SNTB1: variants seen among roughly 807,000 people sequenced by gnomAD.
SNTB1 encodes beta-1-syntrophin.
In SNTB1, 36 loss-of-function variants were observed where a neutral mutation model predicts 48.9. The ratio of observed to expected loss-of-function variants is 0.74; its 90% CI spans 0.56 to 0.97. SNTB1 has a LOEUF of 0.97. Among genes scored for constraint, SNTB1 ranks in the 50% least tolerant of loss-of-function variants. The pLI is 0.00. For missense variants in SNTB1, 786 were observed against 703.4 expected (o/e 1.12, Z -1.33); for synonymous variants, 299 against 294.6 (o/e 1.01, Z -0.15).
At chr8:120,706,453 G>T (rs567830949) in intron 1 of SNTB1, among the ~76,000 whole-genome samples, 12 of 152,242 alleles carry the variant, frequency 7.9e-5, no homozygotes, top group African/African-American at 2.9e-4. Context: ...CACACGAAAA[G>T]TAGTCTAAAG....
chr8:120,782,109 G>C (rs902059343), intron 1 of SNTB1, among the ~76,000 whole-genome samples: 41 of 152,150 alleles, frequency 2.7e-4, no homozygotes, highest in African/African-American at 9.9e-4. Flanking sequence ...CTTGCTGGTA[G>C]ATCACCTTCT....
chr8:120,679,383 A>G lies in SNTB1; in HGVS notation c.788+14309T>C, dbSNP rs1817892106. ...AAGTCTCAATTTAGGCAATATCTCC[A>G]AAAGCCTAAACCTTTCCTCCACCTA... On this transcript the variant is annotated intron_variant, in intron 2 of 6. Coordinates refer to ENST00000517992, the MANE Select transcript of SNTB1 (RefSeq NM_021021.4). Among the ~76,000 whole-genome samples the G allele has an allele frequency of 2.0e-5, 3 of 152,298 alleles. No homozygotes were observed. The South Asian group carries it at 6.2e-4, about 32-fold the overall frequency.
At chr8:120,726,571 C>T (rs1466782874) in intron 1 of SNTB1, among the ~76,000 whole-genome samples, 2 of 152,084 alleles carry the variant, frequency 1.3e-5, no homozygotes, top group Non-Finnish European at 2.9e-5. Context: ...GTTTAAATAT[C>T]ATTACCAGGA....
intron 3 of SNTB1, among the ~76,000 whole-genome samples, chr8:120,588,086 G>T (rs112959196): frequency 0.025 from 3,745 of 152,258 alleles, 173 homozygotes; most frequent in African/African-American, 0.083. Context: ...AAAAAAAAAT[G>T]TATGCTTCAA....
Position 120,691,036 on chromosome 8 carries a change from A to G in SNTB1, c.788+2656T>C, listed in dbSNP as rs1352904559. ...CCCTATGTATAATCGTCAATGGTGGACTTGACGAGCACCAATATAAAAGTT... is the reference window on the plus strand; with the variant it reads ...CCCTATGTATAATCGTCAATGGTGGGCTTGACGAGCACCAATATAAAAGTT... On this transcript the variant is annotated intron_variant, in intron 2 of 6. Transcript: ENST00000517992. Among the ~76,000 whole-genome samples, 1,065 of 152,344 alleles carry G rather than the reference A, an allele frequency of 7.0e-3. 16 individuals carry two copies. The Middle Eastern group carries it at 0.095, about 14-fold the overall frequency.
At chr8:120,755,536 T>G (rs909382310) in intron 1 of SNTB1, among the ~76,000 whole-genome samples, 4 of 152,042 alleles carry the variant, frequency 2.6e-5, no homozygotes, top group Admixed American at 6.6e-5. Context: ...GAGTTCAATG[T>G]GAAAAGGGGC....
intron 1 of SNTB1, among the ~76,000 whole-genome samples, chr8:120,804,956 T>A (rs1341777298): frequency 6.6e-6 from 1 of 152,176 alleles, no homozygotes; most frequent in African/African-American, 2.4e-5. Context: ...CCATTTTTCC[T>A]CCCTCTTGTA....
intron 4 of SNTB1, among the ~76,000 whole-genome samples, chr8:120,562,269 G>T (rs376158959): frequency 5.9e-5 from 9 of 152,032 alleles, no homozygotes; most frequent in Non-Finnish European, 8.8e-5. Context: ...AGATACTACC[G>T]CCCCCTTTGT....
chr8:120,605,139 A>T (rs945353213), intron 3 of SNTB1, among the ~76,000 whole-genome samples: 4 of 152,202 alleles, frequency 2.6e-5, no homozygotes, highest in African/African-American at 9.6e-5. Flanking sequence ...CGAGTGGATG[A>T]TGTATAAGCT....
chr8:120,713,393 T>C (rs1210141139), intron 1 of SNTB1, among the ~76,000 whole-genome samples: 1 of 152,204 alleles, frequency 6.6e-6, no homozygotes, highest in East Asian at 1.9e-4. Flanking sequence ...GAAAAGTAGC[T>C]GCTGATCTGT....
At chr8:120,671,017 T>C (rs1380763377) in intron 2 of SNTB1, among the ~76,000 whole-genome samples, 1 of 152,224 alleles carries the variant, frequency 6.6e-6, no homozygotes, top group Non-Finnish European at 1.5e-5. Context: ...GATGTTTGCC[T>C]TTGTTTGATT....
chr8:120,660,812 C>T (rs1048431328), intron 2 of SNTB1, among the ~76,000 whole-genome samples: 1 of 152,134 alleles, frequency 6.6e-6, no homozygotes, highest in Non-Finnish European at 1.5e-5. Flanking sequence ...TACTTGAACA[C>T]TTAGAAACCT....
chr8:120,623,678 G>C (rs936202299), intron 3 of SNTB1, among the ~76,000 whole-genome samples: 2 of 152,186 alleles, frequency 1.3e-5, no homozygotes, highest in South Asian at 4.1e-4. Context: ...ATCTCATCCT[G>C]TTTCAGGTAG....
At chr8:120,590,774 G>A (rs1816228284) in intron 3 of SNTB1, among the ~76,000 whole-genome samples, 1 of 149,522 alleles carries the variant, frequency 6.7e-6, no homozygotes, top group Admixed American at 6.7e-5. Flanking sequence ...TCCACCTCCT[G>A]GGTCCCGGTT....
In SNTB1 at chr8:120,693,729, C is replaced by T. The variant is rs150760552; in HGVS notation, c.751G>A (p.Val251Ile). Reference protein sequence around the residue: ...RKSIPLKMCYVTRSMALADPE... With the variant: ...RKSIPLKMCYITRSMALADPE... The stretch of plus-strand genomic sequence containing the variant: ...TCGGCCAAGGCCATACTCCGAGTGA[C>T]GTAGCACATTTTGAGGGGGATGCTT... The change falls in exon 2 of 7, where the codon GTC becomes ATC. Residue 251 changes from valine (V) to isoleucine (I), a missense_variant. Coordinates refer to ENST00000517992, the MANE Select transcript of SNTB1 (RefSeq NM_021021.4). 11 of 1,613,778 alleles carry T rather than the reference C, an allele frequency of 6.8e-6. No homozygotes were observed. The highest frequency in any genetic ancestry group is 1.7e-5 in the Admixed American group (1 of 59,922).
intron 2 of SNTB1, chr8:120,635,894 C>T (rs1188350258): frequency 4.9e-6 from 2 of 412,182 alleles, no homozygotes; most frequent in Non-Finnish European, 9.4e-6. Context: ...CTGCTTCAGG[C>T]TGGTCACCAA....
intron 1 of SNTB1, among the ~76,000 whole-genome samples, chr8:120,762,440 A>C (rs1214816850): frequency 1.3e-5 from 2 of 152,188 alleles, no homozygotes; most frequent in Non-Finnish European, 2.9e-5. Flanking sequence ...GACTGGGGCC[A>C]TGAAAGGCTG....
intron 6 of SNTB1, among the ~76,000 whole-genome samples, chr8:120,540,795 G>A (rs1815273623): frequency 1.3e-5 from 2 of 152,162 alleles, no homozygotes; most frequent in Admixed American, 6.5e-5. Flanking sequence ...CCTCCATCGT[G>A]GCTGCCTGTG....
Position 120,664,069 on chromosome 8 carries a change from G to A in SNTB1, c.788+29623C>T, listed in dbSNP as rs868777943. Among the ~76,000 whole-genome samples, 4 of 152,230 alleles carry A rather than the reference G, an allele frequency of 2.6e-5. No individual in the cohort carries two copies. The Middle Eastern group carries it at 0.01, about 388-fold the overall frequency. On this transcript the variant is annotated intron_variant, in intron 2 of 6. Transcript: ENST00000517992. ...TAAGCCATGTATAGCTTAGTGAGGC[G>A]GATGGTACCAAAATAATTATAATAC...
Sources: allele counts gnomAD v4.1 joint callset (sites outside exome capture counted in the v4.1 genomes callset), GRCh38; gene constraint gnomAD v4.1.1; transcripts MANE v1.5; gene names NCBI Gene and HGNC (gene_info 2026-07-23, HGNC 2026-07-21).